The following CLCA2 variants were observed in gnomAD, a reference collection of about 807,000 sequenced individuals.
CLCA2 encodes calcium-activated chloride channel regulator 2.
CLCA2 carries 85 observed loss-of-function variants against 82.9 expected under a neutral mutation model. The ratio of observed to expected loss-of-function variants is 1.03; its 90% CI spans 0.86 to 1.23. The LOEUF (loss-of-function observed/expected upper bound fraction) is 1.23, where lower values mean the gene tolerates loss of function less well. CLCA2 is among the 50% of genes most tolerant of loss of function. CLCA2 has a pLI of 0.00. For synonymous variants in CLCA2, 421 were observed against 391.7 expected (o/e 1.07, Z -0.88); for missense variants, 1,089 against 1,124.8 (o/e 0.97, Z 0.45).
chr1:86,435,224 G>T (rs1361977900), intron 6 of CLCA2, among the ~76,000 whole-genome samples: 1 of 152,178 alleles, frequency 6.6e-6, no homozygotes, highest in African/African-American at 2.4e-5. Context: ...GTGGCCAAAA[G>T]TTGAGATAAT....
Position 86,436,136 on chromosome 1 carries a change from T to C in CLCA2, c.972+1391T>C, listed in dbSNP as rs182353498. Among the ~76,000 whole-genome samples the C allele has an allele frequency of 2.4e-4, 37 of 152,364 alleles. No individual in the cohort carries two copies. The East Asian group carries it at 6.4e-3, about 26-fold the overall frequency. ...AGCAAAGCCTAAAATATTTACTATC[T>C]GGCCCTTCACAGAAAACTTCTGCTG... is the stretch of plus-strand genomic sequence containing the variant. On this transcript the variant is annotated intron_variant, in intron 6 of 13. Coordinates refer to ENST00000370565, the MANE Select transcript of CLCA2 (RefSeq NM_006536.7).
chr1:86,425,393 T>G lies in CLCA2; in HGVS notation c.241T>G (p.Phe81Val), dbSNP rs759235548. ...ATTTAATGCTACCAAGAGAAGAGTA[T>G]TTTTCAGAAATATAAAGATTTTAAT... ...YLFNATKRRV[F>V]FRNIKILIPA... is the part of the protein sequence containing the mutation. The change falls in exon 2 of 14, where the codon TTT becomes GTT. Residue 81 changes from phenylalanine to valine, a missense_variant. Transcript: ENST00000370565. 7 of 1,579,906 alleles carry G rather than the reference T, an allele frequency of 4.4e-6. No homozygotes were observed. Among genetic ancestry groups the G allele is most frequent in the Non-Finnish European group, 5.2e-6 (6 of 1,161,538 alleles).
At position 86,455,542 on chromosome 1, in the gene CLCA2, T is replaced by C; in HGVS notation, c.*15T>C. On this transcript the variant is annotated 3_prime_UTR_variant, in exon 14 of 14. Coordinates refer to ENST00000370565, the MANE Select transcript of CLCA2 (RefSeq NM_006536.7). Reference sequence around the variant, plus strand: ...AATTATTATAAATAAATATCCAAAGTGTCTTCCTTCTTAGATATAAGACCC... The same window carrying C: ...AATTATTATAAATAAATATCCAAAGCGTCTTCCTTCTTAGATATAAGACCC... 1 of 1,444,682 alleles carries C rather than the reference T, an allele frequency of 6.9e-7. No homozygotes were observed. Among genetic ancestry groups the C allele is most frequent in the Non-Finnish European group, 9.1e-7 (1 of 1,093,968 alleles). The allele number at this position is 1,444,682 out of a possible 1,614,324, so 89.5% of individuals were successfully genotyped here.
In CLCA2 at chr1:86,432,498, A is replaced by T. The variant is rs1430676921; in HGVS notation, c.714A>T (p.Ala238=). The change falls in exon 5 of 14, where the codon GCA becomes GCT. Residue 238 remains alanine (A), a synonymous_variant. Coordinates refer to ENST00000370565, the MANE Select transcript of CLCA2 (RefSeq NM_006536.7). ...FIYNSTQNAT[A]SIMFMQSLSS... The stretch of plus-strand genomic sequence containing the variant: ...ACAATAGCACCCAAAATGCAACTGC[A>T]TCAATAATGTTCATGCAAAGTTTAT... The T allele has an allele frequency of 6.2e-7, 1 of 1,613,990 alleles. No individual in the cohort carries two copies. The highest frequency in any genetic ancestry group is 1.7e-5 in the Admixed American group (1 of 60,012).
Position 86,424,420 on chromosome 1 carries a change from T to C in CLCA2, c.173T>C (p.Ile58Thr), listed in dbSNP as rs1207544288. 3 of 1,610,764 alleles carry C rather than the reference T, an allele frequency of 1.9e-6. No homozygotes were observed. Among genetic ancestry groups the C allele is most frequent in the Non-Finnish European group, 2.5e-6 (3 of 1,178,532 alleles). ...CAGGTACCTGAGAATCAGAACCTCA[T>C]CTCAAACATTAAGGTGAGTGGAAAT... is the stretch of plus-strand genomic sequence containing the variant. ...NPQVPENQNL[I>T]SNIKEMITEA... Residue 58 changes from isoleucine to threonine, a missense_variant, in exon 1 of 14, where the codon ATC (isoleucine) becomes ACC (threonine). Coordinates refer to ENST00000370565, the MANE Select transcript of CLCA2 (RefSeq NM_006536.7).
rs1662486652 is a variant in CLCA2 at position 86,430,954 on chromosome 1, C to T, written c.568C>T (p.Gln190Ter). 6.2e-7 allele frequency: 1 copy of T among 1,609,404 alleles called. No individual in the cohort carries two copies. The highest frequency in any genetic ancestry group is 1.7e-5 in the Admixed American group (1 of 59,640). ...DKPFYINGQN[Q>*]IKVTRCSSDI... ...ACCTTTCTACATAAATGGGCAAAAT[C>T]AAATTAAAGTGACAAGGTTAGTACT... is the stretch of plus-strand genomic sequence containing the variant. Residue 190 changes from glutamine (Q) to a stop codon, truncating the protein, a stop_gained, in exon 4 of 14, where the codon CAA becomes TAA. Coordinates refer to ENST00000370565, the MANE Select transcript of CLCA2 (RefSeq NM_006536.7). LOFTEE classifies it high-confidence loss of function.
In CLCA2 at chr1:86,456,447, G is replaced by A. The variant is rs1055014018; in HGVS notation, c.*920G>A. On this transcript the variant is annotated 3_prime_UTR_variant, in exon 14 of 14. Coordinates refer to ENST00000370565, the MANE Select transcript of CLCA2 (RefSeq NM_006536.7). Reference sequence around the variant, plus strand: ...TACTTACCAAGGGCAGGGGAAGGGGGATATAGAGGTCACAAGGAAATAAAA... The same window carrying A: ...TACTTACCAAGGGCAGGGGAAGGGGAATATAGAGGTCACAAGGAAATAAAA... 2 of 152,062 alleles carry A rather than the reference G, an allele frequency of 1.3e-5. No homozygotes were observed. The highest frequency in any genetic ancestry group is 4.8e-5 in the African/African-American group (2 of 41,398). The allele number at this position is 152,062 out of a possible 1,614,324, so 9.4% of individuals were successfully genotyped here. A position where few individuals can be genotyped will look rare whatever the true frequency, so the allele number is the denominator to read the frequency against.
chr1:86,449,325 AG>A lies in CLCA2; in HGVS notation c.1985-1237del, dbSNP rs562628328. Among the ~76,000 whole-genome samples the A allele has an allele frequency of 6.4e-4, 97 of 152,326 alleles. 2 individuals carry two copies. Among genetic ancestry groups the A allele is most frequent in the African/African-American group, 2.2e-3 (90 of 41,578 alleles). Reference sequence around the variant, plus strand: ...GAGGCTCAGAGACATGAAGCCTCATAGCTACTAAGTGACAGATGCAGGCCTT... The same window carrying A: ...GAGGCTCAGAGACATGAAGCCTCATACTACTAAGTGACAGATGCAGGCCTT... On this transcript the variant is annotated intron_variant, in intron 11 of 13. Transcript: ENST00000370565.
intron 11 of CLCA2, among the ~76,000 whole-genome samples, chr1:86,450,022 T>C (rs1931358): frequency 0.5 from 76,596 of 151,966 alleles, 19,682 homozygotes; most frequent in South Asian, 0.58. Flanking sequence ...AGAAAAACAG[T>C]TCCAGATACC....
In CLCA2 at chr1:86,430,233, G is replaced by T. The variant is rs146720285; in HGVS notation, c.476-629G>T. On this transcript the variant is annotated intron_variant, in intron 3 of 13. Coordinates refer to ENST00000370565, the MANE Select transcript of CLCA2 (RefSeq NM_006536.7). ...GAAGTTCTAAAGGATCTCATGCAGAGGATGGGGGTTTCCCTGACCTAGGAG... is the reference window on the plus strand; with the variant it reads ...GAAGTTCTAAAGGATCTCATGCAGATGATGGGGGTTTCCCTGACCTAGGAG... Among the ~76,000 whole-genome samples, 539 of 152,262 alleles carry T rather than the reference G, an allele frequency of 3.5e-3. 3 individuals carry two copies. The highest frequency in any genetic ancestry group is 0.02 in the Middle Eastern group (6 of 294).
At chr1:86,427,179 A>G (rs1662403839) in intron 2 of CLCA2, among the ~76,000 whole-genome samples, 1 of 152,172 alleles carries the variant, frequency 6.6e-6, no homozygotes, top group Non-Finnish European at 1.5e-5. Context: ...GGAAAAGTAG[A>G]TAAGAGCTGA....
chr1:86,455,570 G>A lies in CLCA2; in HGVS notation c.*43G>A. ...CTTCCTTCTTAGATATAAGACCCAT[G>A]GCCTTCGACTACAAAAACATACTAA... On this transcript the variant is annotated 3_prime_UTR_variant, in exon 14 of 14. Coordinates refer to ENST00000370565, the MANE Select transcript of CLCA2 (RefSeq NM_006536.7). 1 of 1,272,540 alleles carries A rather than the reference G, an allele frequency of 7.9e-7. No individual in the cohort carries two copies. The highest frequency in any genetic ancestry group is 1.0e-6 in the Non-Finnish European group (1 of 959,718). The allele number at this position is 1,272,540 out of a possible 1,614,324, so 78.8% of individuals were successfully genotyped here. A position where few individuals can be genotyped will look rare whatever the true frequency, so the allele number is the denominator to read the frequency against.
intron 6 of CLCA2, among the ~76,000 whole-genome samples, chr1:86,437,714 G>A (rs1040472255): frequency 1.3e-5 from 2 of 152,032 alleles, no homozygotes; most frequent in African/African-American, 4.8e-5. Context: ...GAGTTGATGG[G>A]ACCTGTTCAA....
In CLCA2 at chr1:86,439,504, G is replaced by A. The variant is rs147362618; in HGVS notation, c.1203+398G>A. Among the ~76,000 whole-genome samples the A allele has an allele frequency of 4.8e-3, 733 of 152,206 alleles. 10 individuals carry two copies. The highest frequency in any genetic ancestry group is 0.017 in the African/African-American group (707 of 41,532). On this transcript the variant is annotated intron_variant, in intron 7 of 13. Coordinates refer to ENST00000370565, the MANE Select transcript of CLCA2 (RefSeq NM_006536.7). ...TGTCTATAGTCATTCTAGACTTCAC[G>A]CACATCAGAACCAATTAAGGCAACA...
chr1:86,441,406 T>G (rs372970570), intron 8 of CLCA2, 31 bp from the exon 9 acceptor site: 4 of 1,288,856 alleles, frequency 3.1e-6, no homozygotes, highest in Non-Finnish European at 4.4e-6. Flanking sequence ...TTACCCATTT[T>G]AATAGTGAAC....
In CLCA2 at chr1:86,424,254, C is replaced by A. The variant is rs1662342490; in HGVS notation, c.7C>A (p.Gln3Lys). The change falls in exon 1 of 14, where the codon CAA becomes AAA. Residue 3 changes from glutamine (Q) to lysine (K), a missense_variant. Physicochemically the swap from Gln to Lys is moderately conservative, Grantham distance 53. Transcript: ENST00000370565. MT[Q>K]RSIAGPICNL... is the part of the protein sequence containing the mutation. ...CTGGAGGCTTCTCTACAACATGACCCAAAGGAGCATTGCAGGTCCTATTTG... is the reference window on the plus strand; with the variant it reads ...CTGGAGGCTTCTCTACAACATGACCAAAAGGAGCATTGCAGGTCCTATTTG... The A allele has an allele frequency of 1.2e-6, 2 of 1,611,976 alleles. No homozygotes were observed. The highest frequency in any genetic ancestry group is 1.3e-5 in the African/African-American group (1 of 74,848).
intron 13 of CLCA2, among the ~76,000 whole-genome samples, chr1:86,454,639 A>C (rs1252334746): frequency 6.6e-6 from 1 of 152,128 alleles, no homozygotes; most frequent in African/African-American, 2.4e-5. Flanking sequence ...TAAAAATACA[A>C]AAATAAGCCG....
intron 12 of CLCA2, among the ~76,000 whole-genome samples, chr1:86,451,436 A>G (rs535131934): frequency 6.6e-6 from 1 of 152,278 alleles, no homozygotes; most frequent in East Asian, 1.9e-4. Context: ...GTTATAACTA[A>G]TCATTTGGAC....
intron 9 of CLCA2, among the ~76,000 whole-genome samples, chr1:86,441,980 A>G (rs2101703936): frequency 6.6e-6 from 1 of 152,356 alleles, no homozygotes; most frequent in East Asian, 1.9e-4. Flanking sequence ...ACAAATATCT[A>G]AATATCTCTT....
Sources: allele counts gnomAD v4.1 joint callset (sites outside exome capture counted in the v4.1 genomes callset), GRCh38; gene constraint gnomAD v4.1.1; transcripts MANE v1.5; gene names NCBI Gene and HGNC (gene_info 2026-07-23, HGNC 2026-07-21).